The following PDE7B variants were observed in gnomAD, a reference collection of about 807,000 sequenced individuals.
The protein encoded by PDE7B is phosphodiesterase 7B.
In PDE7B, 29 loss-of-function variants were observed where a neutral mutation model predicts 56.2. The observed-to-expected ratio is 0.52, with a 90% confidence interval of 0.38 to 0.70. PDE7B has a LOEUF of 0.70. Among genes scored for constraint, PDE7B ranks in the 30% least tolerant of loss-of-function variants. PDE7B has a pLI of 0.00. For synonymous variants in PDE7B, 197 were observed against 196.9 expected, an observed-to-expected ratio of 1.00 and a Z score of 0.00; for missense variants, 490 against 565.0, an observed-to-expected ratio of 0.87 and a Z score of 1.35.
chr6:135,955,784 A>G (rs970606843), intron 2 of PDE7B, among the ~76,000 whole-genome samples: 1 of 152,172 alleles, frequency 6.6e-6, no homozygotes, highest in Non-Finnish European at 1.5e-5. Context: ...AAAATACAGG[A>G]AACTTTTCAA....
chr6:135,932,587 C>T (rs1045052946), intron 1 of PDE7B, among the ~76,000 whole-genome samples: 4 of 152,096 alleles, frequency 2.6e-5, no homozygotes, highest in African/African-American at 9.7e-5. Context: ...TATATAGATG[C>T]ACACATTCAT....
At chr6:135,932,659 G>A (rs968968338) in intron 1 of PDE7B, among the ~76,000 whole-genome samples, 4 of 152,186 alleles carry the variant, frequency 2.6e-5, no homozygotes, top group African/African-American at 9.6e-5. Flanking sequence ...CAACCTGTGA[G>A]GCAGAAAGTT....
intron 1 of PDE7B, among the ~76,000 whole-genome samples, chr6:135,854,570 C>G (rs1247173984): frequency 6.6e-6 from 1 of 152,190 alleles, no homozygotes; most frequent in Non-Finnish European, 1.5e-5. Context: ...TGTGAGGTCT[C>G]TCTCACAGCA....
intron 3 of PDE7B, among the ~76,000 whole-genome samples, chr6:136,123,306 G>C (rs1043453720): frequency 6.6e-6 from 1 of 152,126 alleles, no homozygotes; most frequent in Non-Finnish European, 1.5e-5. Flanking sequence ...TGATGAGCTG[G>C]AAGATACCAA....
chr6:136,057,264 A>G (rs969147675), intron 2 of PDE7B, among the ~76,000 whole-genome samples: 2 of 152,236 alleles, frequency 1.3e-5, no homozygotes, highest in African/African-American at 4.8e-5. Flanking sequence ...CACTAACTCA[A>G]TTCACATTCC....
chr6:136,170,311 A>T (rs906351998), intron 8 of PDE7B, among the ~76,000 whole-genome samples: 1 of 152,140 alleles, frequency 6.6e-6, no homozygotes, highest in African/African-American at 2.4e-5. Flanking sequence ...TGTAATATAA[A>T]ATTTACCATC....
intron 2 of PDE7B, among the ~76,000 whole-genome samples, chr6:135,956,661 T>C (rs906385798): frequency 6.6e-6 from 1 of 152,030 alleles, no homozygotes; most frequent in Non-Finnish European, 1.5e-5. Context: ...GTGCCTATAG[T>C]CTCAGCTACT....
chr6:135,855,776 G>C (rs561347279), intron 1 of PDE7B, among the ~76,000 whole-genome samples: 1 of 152,118 alleles, frequency 6.6e-6, no homozygotes, highest in Non-Finnish European at 1.5e-5. Flanking sequence ...GGTCCCAGCA[G>C]GCATCTGATA....
chr6:136,062,040 T>C (rs1015976914), intron 2 of PDE7B, among the ~76,000 whole-genome samples: 3 of 152,210 alleles, frequency 2.0e-5, no homozygotes, highest in African/African-American at 7.2e-5. Flanking sequence ...CTTACTGTGA[T>C]AGAGCCGAGC....
chr6:135,969,761 C>A (rs1409972371), intron 2 of PDE7B, among the ~76,000 whole-genome samples: 1 of 151,958 alleles, frequency 6.6e-6, no homozygotes, highest in Non-Finnish European at 1.5e-5. Context: ...ACAAATGGGA[C>A]CTAATTAAAG....
At position 136,147,387 on chromosome 6, in the gene PDE7B, A is replaced by G. The variant is rs760051925; in HGVS notation, c.203A>G (p.Lys68Arg). 9 of 1,611,992 alleles carry G rather than the reference A, an allele frequency of 5.6e-6. No individual in the cohort carries two copies. The Admixed American group carries it at 1.5e-4, about 27-fold the overall frequency. ...TCAGGGGAGATTGGCACCAAGAAAA[A>G]GGTGAAAAGACTATTAAGCTTTCAA... The part of the protein sequence containing the change: ...TYSGEIGTKK[K>R]VKRLLSFQRY... The change falls in exon 4 of 13, where the codon AAG becomes AGG. Residue 68 changes from lysine (K) to arginine (R), a missense_variant. Physicochemically the swap from Lys to Arg is conservative, Grantham distance 26. Coordinates refer to ENST00000308191, the MANE Select transcript of PDE7B (RefSeq NM_018945.4).
At chr6:136,001,770 C>T (rs957197088) in intron 2 of PDE7B, among the ~76,000 whole-genome samples, 1 of 152,148 alleles carries the variant, frequency 6.6e-6, no homozygotes, top group African/African-American at 2.4e-5. Flanking sequence ...AGTTGGAAAA[C>T]ACTCTGCAGG....
intron 8 of PDE7B, among the ~76,000 whole-genome samples, chr6:136,158,619 G>T (rs2128448250): frequency 6.6e-6 from 1 of 152,286 alleles, no homozygotes; most frequent in Non-Finnish European, 1.5e-5. Context: ...AGAGAGAGCA[G>T]GGCAGCTGGA....
At chr6:135,895,286 CTTCATT>C (rs1222024778) in intron 1 of PDE7B, among the ~76,000 whole-genome samples, 1 of 152,132 alleles carries the variant, frequency 6.6e-6, no homozygotes, top group African/African-American at 2.4e-5. Context: ...AAGTTAAGGA[CTTCATT>C]TTCAAAGTCA....
intron 1 of PDE7B, among the ~76,000 whole-genome samples, chr6:135,916,512 C>G (rs1030975617): frequency 1.3e-5 from 2 of 150,836 alleles, no homozygotes; most frequent in Admixed American, 6.6e-5. Context: ...CCTGCCTCAG[C>G]CTCCCGAGTA....
chr6:136,188,764 A>G (rs1779178806), intron 12 of PDE7B, among the ~76,000 whole-genome samples: 1 of 152,174 alleles, frequency 6.6e-6, no homozygotes, highest in African/African-American at 2.4e-5. Flanking sequence ...TACCATAGAT[A>G]CCTCTTTTAA....
intron 1 of PDE7B, among the ~76,000 whole-genome samples, chr6:135,872,709 T>G (rs764180355): frequency 1.3e-5 from 2 of 152,208 alleles, no homozygotes; most frequent in Non-Finnish European, 2.9e-5. Flanking sequence ...TCAAGGACTA[T>G]GTAGACACAT....
At chr6:136,002,193 G>A (rs572303585) in intron 2 of PDE7B, among the ~76,000 whole-genome samples, 43 of 152,272 alleles carry the variant, frequency 2.8e-4, no homozygotes, top group African/African-American at 9.6e-4. Flanking sequence ...AAGAGCTCCT[G>A]AAGGAAGCTC....
At chr6:136,108,849 G>A (rs760139578) in intron 3 of PDE7B, 35 bp downstream of exon 3, 20 of 1,267,670 alleles carry the variant, frequency 1.6e-5, no homozygotes, top group African/African-American at 4.4e-5. Flanking sequence ...AGGAACAAAC[G>A]TTTTCTTCAA....
Sources: gnomAD v4.1 joint callset for allele counts (sites outside exome capture counted in the v4.1 genomes callset) on GRCh38, gnomAD v4.1.1 for gene constraint, MANE v1.5 for transcripts, NCBI Gene and HGNC (gene_info 2026-07-23, HGNC 2026-07-21) for gene names.